COL22A1: variants seen among roughly 807,000 people sequenced by gnomAD.
The protein encoded by COL22A1 is collagen alpha-1(XXII) chain.
A neutral mutation model predicts 248.9 loss-of-function variants in COL22A1; 221 were observed. That is an observed-to-expected ratio of 0.89 (90% CI 0.80 to 0.99). The LOEUF is 0.99. Ranked by LOEUF, COL22A1 falls within the 50% of genes least tolerant of loss-of-function variation. The pLI is 0.00. For missense variants in COL22A1, 2,240 were observed against 2,179.0 expected, an observed-to-expected ratio of 1.03 and a Z score of -0.56; for synonymous variants, 891 against 793.4, an observed-to-expected ratio of 1.12 and a Z score of -2.07.
At chr8:138,720,659 G>T in intron 27 of COL22A1, 80 bp downstream of exon 27, 2 of 1,144,324 alleles carry the variant, frequency 1.7e-6, no homozygotes, top group Non-Finnish European at 1.3e-6. Context: ...TATGCTTATG[G>T]TAAGTCGAGA....
intron 20 of COL22A1, 87 bp from the exon 21 acceptor site, chr8:138,755,297 CAA>C (rs1044542380): frequency 5.3e-5 from 76 of 1,431,236 alleles, no homozygotes; most frequent in Non-Finnish European, 7.0e-5. Flanking sequence ...TCTCCTGACT[CAA>C]AGTTTACTTT....
At chr8:138,903,556 C>T (rs1385992828) in intron 1 of COL22A1, among the ~76,000 whole-genome samples, 1 of 152,122 alleles carries the variant, frequency 6.6e-6, no homozygotes, top group African/African-American at 2.4e-5. Context: ...GAGGTAGGCC[C>T]CCAGATGGCT....
At chr8:138,667,406 G>T (rs562745921) in intron 41 of COL22A1, among the ~76,000 whole-genome samples, 8 of 152,112 alleles carry the variant, frequency 5.3e-5, no homozygotes, top group African/African-American at 1.9e-4. Context: ...AATCAGAATC[G>T]ACTTAAATAG....
intron 24 of COL22A1, among the ~76,000 whole-genome samples, chr8:138,725,108 G>C (rs939361603): frequency 6.6e-6 from 1 of 152,200 alleles, no homozygotes; most frequent in African/African-American, 2.4e-5. Context: ...AAAGACATCC[G>C]AATGGGCAAC....
intron 11 of COL22A1, among the ~76,000 whole-genome samples, chr8:138,800,089 C>G (rs903098552): frequency 6.6e-6 from 1 of 152,328 alleles, no homozygotes; most frequent in Non-Finnish European, 1.5e-5. Flanking sequence ...ATCTGCATCC[C>G]TGCTCTGGAA....
intron 17 of COL22A1, among the ~76,000 whole-genome samples, chr8:138,761,666 T>C (rs2318336): frequency 0.86 from 130,570 of 151,996 alleles, 56,164 homozygotes; most frequent in East Asian, 0.99. Flanking sequence ...TGCAACATAG[T>C]ATTTTACTAA....
chr8:138,689,160 G>GC lies in COL22A1; in HGVS notation c.2809-191_2809-190insG, dbSNP rs112904374. Among the ~76,000 whole-genome samples the GC allele has an allele frequency of 3.0e-3, 434 of 145,172 alleles. 2 individuals carry two copies. The highest frequency in any genetic ancestry group is 3.6e-3 in the Non-Finnish European group (242 of 67,318). ...CCTGCCCATGACTGCTGCTCTCCCGGGGGGGGGGCTGGCCTTGTAACAGTG... is the reference window on the plus strand; with the variant it reads ...CCTGCCCATGACTGCTGCTCTCCCGGCGGGGGGGGCTGGCCTTGTAACAGTG... On this transcript the variant is annotated intron_variant, in intron 36 of 64. Transcript: ENST00000303045.
chr8:138,788,538 G>A (rs1319149579), intron 12 of COL22A1, among the ~76,000 whole-genome samples: 2 of 152,146 alleles, frequency 1.3e-5, no homozygotes, highest in Non-Finnish European at 2.9e-5. Flanking sequence ...ATTATTTTAG[G>A]TGAATTTGAA....
At chr8:138,593,328 T>C (rs1340240474) in intron 63 of COL22A1, among the ~76,000 whole-genome samples, 1 of 152,094 alleles carries the variant, frequency 6.6e-6, no homozygotes, top group Non-Finnish European at 1.5e-5. Context: ...GGCACATATA[T>C]ACCTATGTAT....
At chr8:138,630,187 C>A (rs891500418) in intron 50 of COL22A1, among the ~76,000 whole-genome samples, 15 of 152,218 alleles carry the variant, frequency 9.9e-5, no homozygotes, top group African/African-American at 1.7e-4. Flanking sequence ...TAAAAGCCTT[C>A]GGTTCAAATG....
chr8:138,730,944 G>A (rs112573046), intron 23 of COL22A1, among the ~76,000 whole-genome samples: 3,037 of 152,164 alleles, frequency 0.02, 79 homozygotes, highest in African/African-American at 0.065. Context: ...CTTTGTCTTC[G>A]AGGGAGCACA....
At chr8:138,909,921 C>A (rs1018235179) in intron 1 of COL22A1, among the ~76,000 whole-genome samples, 3 of 152,148 alleles carry the variant, frequency 2.0e-5, no homozygotes, top group Non-Finnish European at 4.4e-5. Context: ...CCCAGAAATC[C>A]CACTCCTTAA....
rs1012077743 is a variant in COL22A1, at chr8:138,700,267, T to C, written c.2560-123A>G. 3 of 859,002 alleles carry C rather than the reference T, an allele frequency of 3.5e-6. No individual in the cohort carries two copies. In the African/African-American group the frequency reaches 5.1e-5, roughly 15 times the overall value. 53.2% of individuals were successfully genotyped at this position (859,002 alleles called of 1,614,324 possible). A position where few individuals can be genotyped will look rare whatever the true frequency, so the allele number is the denominator to read the frequency against. On this transcript the variant is annotated intron_variant, in intron 31 of 64. Coordinates refer to ENST00000303045, the MANE Select transcript of COL22A1 (RefSeq NM_152888.3). ...ACAGCCCCAAAGCTTCCTGGAACGATTATTAGTTTTGACAATTAGATTCAC... is the reference window on the plus strand; with the variant it reads ...ACAGCCCCAAAGCTTCCTGGAACGACTATTAGTTTTGACAATTAGATTCAC...
At chr8:138,693,592 G>A in intron 35 of COL22A1, 54 bp downstream of exon 35, 2 of 1,528,090 alleles carry the variant, frequency 1.3e-6, no homozygotes, top group Non-Finnish European at 1.8e-6. Context: ...CAGACACTGG[G>A]CGGGGCCTCC....
rs748350953 is a variant in COL22A1, at chr8:138,778,456, C to T, written c.1705-50G>A. ...AAGTTTCAGGGATGGAAAAGAAAGGCAAGTGCAGCCGTACAGCTCAGCCAG... is the reference window on the plus strand; with the variant it reads ...AAGTTTCAGGGATGGAAAAGAAAGGTAAGTGCAGCCGTACAGCTCAGCCAG... On this transcript the variant is annotated intron_variant, in intron 14 of 64. Transcript: ENST00000303045. The T allele has an allele frequency of 9.3e-6, 14 of 1,507,774 alleles. No individual in the cohort carries two copies. The African/African-American group carries it at 2.0e-4, about 21-fold the overall frequency. 93.4% of individuals were successfully genotyped at this position (1,507,774 alleles called of 1,614,324 possible).
intron 29 of COL22A1, among the ~76,000 whole-genome samples, 158 bp from the exon 30 acceptor site, chr8:138,715,893 T>G (rs1829393779): frequency 6.6e-6 from 1 of 152,094 alleles, no homozygotes; most frequent in South Asian, 2.1e-4. Context: ...CACAGTGAAG[T>G]GTAACTCAGA....
rs752966194 is a variant in COL22A1, at chr8:138,812,984, C to T, written c.1281G>A (p.Ser427=). 1.9e-5 allele frequency: 31 copies of T among 1,614,026 alleles called. No homozygotes were observed. Among genetic ancestry groups the T allele is most frequent in the South Asian group, 1.9e-4 (17 of 91,068 alleles). ...DLQRIVIYCD[S]RHAELETCCD... Reference sequence around the variant, plus strand: ...AACAAGTCTCCAATTCTGCGTGTCTCGAGTCACAATAGATCACAATCCGCT... The same window carrying T: ...AACAAGTCTCCAATTCTGCGTGTCTTGAGTCACAATAGATCACAATCCGCT... Residue 427 remains serine, a synonymous_variant, in exon 8 of 65, where the codon TCG becomes TCA. Coordinates refer to ENST00000303045, the MANE Select transcript of COL22A1 (RefSeq NM_152888.3).
intron 5 of COL22A1, among the ~76,000 whole-genome samples, chr8:138,829,403 G>GTTTGT (rs1819849481): frequency 1.1e-5 from 1 of 90,640 alleles, no homozygotes; most frequent in South Asian, 4.4e-4. Context: ...TTCCTTTCCT[G>GTTTGT]TTTTTTTTTT....
intron 22 of COL22A1, among the ~76,000 whole-genome samples, chr8:138,749,155 C>T (rs1477761239): frequency 6.6e-6 from 1 of 152,132 alleles, no homozygotes; most frequent in Non-Finnish European, 1.5e-5. Context: ...CACCTTTGGC[C>T]GTGATTGTGA....
Sources: gnomAD v4.1 joint callset for allele counts (sites outside exome capture counted in the v4.1 genomes callset) on GRCh38, gnomAD v4.1.1 for gene constraint, MANE v1.5 for transcripts, NCBI Gene and HGNC (gene_info 2026-07-23, HGNC 2026-07-21) for gene names.